PARP8: variants seen among roughly 807,000 people sequenced by gnomAD.
PARP8 encodes poly(ADP-ribose) polymerase family member 8.
PARP8 carries 51 observed loss-of-function variants against 124.1 expected under a neutral mutation model. The observed-to-expected ratio is 0.41, with a 90% confidence interval of 0.33 to 0.52. The LOEUF (loss-of-function observed/expected upper bound fraction) is 0.52. Among genes scored for constraint, PARP8 ranks in the 20% least tolerant of loss-of-function variants. The probability of loss-of-function intolerance (pLI) is 0.21; values close to 1 mark genes in which losing one functional copy is unlikely to be tolerated. For synonymous variants in PARP8, 391 were observed against 361.5 expected (o/e 1.08, Z -0.93); for missense variants, 860 against 1,018.9 (o/e 0.84, Z 2.12).
Position 50,698,045 on chromosome 5 carries a change from C to A in PARP8, c.146+29920C>A, listed in dbSNP as rs143105004. 1.1e-3 allele frequency among the ~76,000 whole-genome samples: 165 copies of A among 152,274 alleles called. 2 individuals carry two copies. Among genetic ancestry groups the A allele is most frequent in the African/African-American group, 3.6e-3 (149 of 41,554 alleles). ...TTAGGTTAAATCTTATTGGAGTTTT[C>A]TCATACCATTGCAACTGCAGTTTTA... On this transcript the variant is annotated intron_variant, in intron 2 of 25. Coordinates refer to ENST00000281631, the MANE Select transcript of PARP8 (RefSeq NM_024615.4).
At chr5:50,675,854 G>T (rs563498990) in intron 2 of PARP8, among the ~76,000 whole-genome samples, 1 of 152,088 alleles carries the variant, frequency 6.6e-6, no homozygotes, top group Admixed American at 6.5e-5. Flanking sequence ...AAAAAAAGTC[G>T]CAGAAATAAG....
intron 15 of PARP8, among the ~76,000 whole-genome samples, chr5:50,819,742 A>T (rs1390798408): frequency 6.6e-6 from 1 of 151,940 alleles, no homozygotes; most frequent in Non-Finnish European, 1.5e-5. Context: ...ACTGCGCCCA[A>T]CAAGGCTATT....
chr5:50,836,390 G>A lies in PARP8; in HGVS notation c.2462+1375G>A, dbSNP rs114669373. On this transcript the variant is annotated intron_variant, in intron 25 of 25. Coordinates refer to ENST00000281631, the MANE Select transcript of PARP8 (RefSeq NM_024615.4). ...CAGATGACCCATGAAAAATATTTTT[G>A]GGTCATCCACAATTAGATTATTTAC... 6.3e-3 allele frequency among the ~76,000 whole-genome samples: 957 copies of A among 152,154 alleles called. 13 individuals carry two copies. Among genetic ancestry groups the A allele is most frequent in the East Asian group, 0.057 (292 of 5,166 alleles).
intron 3 of PARP8, among the ~76,000 whole-genome samples, chr5:50,757,870 A>G (rs571702566): frequency 6.6e-6 from 1 of 152,106 alleles, no homozygotes; most frequent in Admixed American, 6.5e-5. Flanking sequence ...TATCCACCTT[A>G]CGGATTCTTC....
At chr5:50,811,983 T>A (rs550638135) in intron 14 of PARP8, among the ~76,000 whole-genome samples, 1 of 152,354 alleles carries the variant, frequency 6.6e-6, no homozygotes, top group South Asian at 2.1e-4. Context: ...TAATCCAGTC[T>A]GTCATTGATG....
In PARP8 at chr5:50,803,498, T is replaced by G. The variant is rs116028753; in HGVS notation, c.1575+6265T>G. 4.9e-3 allele frequency among the ~76,000 whole-genome samples: 750 copies of G among 152,286 alleles called. 6 individuals carry two copies. Among genetic ancestry groups the G allele is most frequent in the African/African-American group, 0.017 (723 of 41,564 alleles). ...GCTTGATGGTACCCCATAGATCTCT[T>G]ACACTTTGTTCATTTTTTTCATTTT... On this transcript the variant is annotated intron_variant, in intron 14 of 25. Coordinates refer to ENST00000281631, the MANE Select transcript of PARP8 (RefSeq NM_024615.4).
intron 14 of PARP8, among the ~76,000 whole-genome samples, chr5:50,814,554 G>A (rs547968898): frequency 6.6e-6 from 1 of 152,044 alleles, no homozygotes; most frequent in East Asian, 1.9e-4. Flanking sequence ...AGAAAGCTTT[G>A]TATTTGGACA....
rs781015708 is a variant in PARP8, at chr5:50,794,911, C to T, written c.922C>T (p.Gln308Ter). 1 of 1,614,182 alleles carries T rather than the reference C, an allele frequency of 6.2e-7. No individual in the cohort carries two copies. The highest frequency in any genetic ancestry group is 1.1e-5 in the South Asian group (1 of 91,088). ...GKSKSKLKSEQDGISKTHKLL... is the reference protein window; with the variant it reads ...GKSKSKLKSE The stretch of plus-strand genomic sequence containing the variant: ...AAGCAAATCCAAACTGAAATCTGAG[C>T]AGGACGGAATCTCCAAAACGCATAA... Residue 308 changes from glutamine (Q) to a stop codon, truncating the protein, a stop_gained, in exon 12 of 26, where the codon CAG becomes TAG. Coordinates refer to ENST00000281631, the MANE Select transcript of PARP8 (RefSeq NM_024615.4). LOFTEE classifies it high-confidence loss of function.
At chr5:50,839,831 G>A (rs573238372) in intron 25 of PARP8, among the ~76,000 whole-genome samples, 1 of 152,010 alleles carries the variant, frequency 6.6e-6, no homozygotes, top group African/African-American at 2.4e-5. Flanking sequence ...CTTTTTAAGT[G>A]TCAGGGTACA....
At chr5:50,824,416 G>C (rs1368259346) in intron 17 of PARP8, among the ~76,000 whole-genome samples, 1 of 152,160 alleles carries the variant, frequency 6.6e-6, no homozygotes, top group Non-Finnish European at 1.5e-5. Flanking sequence ...TAAAGGCAGA[G>C]GAGAGGAAGC....
At chr5:50,700,470 T>G (rs1753477820) in intron 2 of PARP8, among the ~76,000 whole-genome samples, 1 of 152,198 alleles carries the variant, frequency 6.6e-6, no homozygotes, top group Non-Finnish European at 1.5e-5. Context: ...CCCACTATTG[T>G]GGGTCACCCA....
intron 7 of PARP8, among the ~76,000 whole-genome samples, chr5:50,774,805 C>CAGG (rs1739760789): frequency 7.4e-6 from 1 of 135,276 alleles, no homozygotes. Flanking sequence ...ACTTCCCAGA[C>CAGG]GAGGCGGCCG....
intron 7 of PARP8, among the ~76,000 whole-genome samples, 183 bp from the exon 8 acceptor site, chr5:50,777,886 T>A (rs1018231730): frequency 6.6e-6 from 1 of 152,208 alleles, no homozygotes; most frequent in African/African-American, 2.4e-5. Flanking sequence ...CAATGTGGTA[T>A]AAACAGAAAA....
intron 1 of PARP8, 198 bp from the exon 2 acceptor site, chr5:50,667,873 G>C: frequency 6.8e-7 from 1 of 1,470,760 alleles, no homozygotes; most frequent in Non-Finnish European, 9.1e-7. Flanking sequence ...TGTTGCGGGG[G>C]GCGGCCTCCC....
Position 50,794,983 on chromosome 5 carries a change from T to C in PARP8, c.994T>C (p.Cys332Arg). The C allele has an allele frequency of 6.2e-7, 1 of 1,614,188 alleles. No homozygotes were observed. The highest frequency in any genetic ancestry group is 1.3e-5 in the African/African-American group (1 of 75,042). The change falls in exon 12 of 26, where the codon TGT becomes CGT. Residue 332 changes from cysteine to arginine, a missense_variant. Physicochemically the swap from Cys to Arg is radical, Grantham distance 180 (BLOSUM62 -3). Transcript: ENST00000281631. ...CAGCACAGTCAAGACTGATGATGTG[T>C]GTGTCACAAAGTCACACAGGACCTT... is the stretch of plus-strand genomic sequence containing the variant. ...CSSTVKTDDV[C>R]VTKSHRTFGR... is the part of the protein sequence containing the mutation.
At chr5:50,803,143 A>G (rs149731779) in intron 14 of PARP8, among the ~76,000 whole-genome samples, 1 of 152,234 alleles carries the variant, frequency 6.6e-6, no homozygotes, top group East Asian at 1.9e-4. Context: ...CAGCATTTTG[A>G]GTATGTCATC....
chr5:50,696,738 G>T (rs1753070376), intron 2 of PARP8, among the ~76,000 whole-genome samples: 1 of 152,070 alleles, frequency 6.6e-6, no homozygotes, highest in African/African-American at 2.4e-5. Context: ...CACTTCTCAG[G>T]TTTCTCTATT....
At chr5:50,807,231 T>C (rs1054098821) in intron 14 of PARP8, among the ~76,000 whole-genome samples, 1 of 152,020 alleles carries the variant, frequency 6.6e-6, no homozygotes, top group African/African-American at 2.4e-5. Context: ...CTCTCTGCAA[T>C]ACAGGGAACT....
At chr5:50,679,910 T>C (rs560060042) in intron 2 of PARP8, among the ~76,000 whole-genome samples, 1 of 152,292 alleles carries the variant, frequency 6.6e-6, no homozygotes, top group African/African-American at 2.4e-5. Flanking sequence ...AAGATACAAA[T>C]ACTTCCCATT....
Sources: gnomAD v4.1 joint callset for allele counts (sites outside exome capture counted in the v4.1 genomes callset) on GRCh38, gnomAD v4.1.1 for gene constraint, MANE v1.5 for transcripts, NCBI Gene and HGNC (gene_info 2026-07-23, HGNC 2026-07-21) for gene names.